BTRC: variants seen among roughly 807,000 people sequenced by gnomAD.
The protein encoded by BTRC is F-box/WD repeat-containing protein 1A.
A neutral mutation model predicts 85.5 loss-of-function variants in BTRC; 42 were observed. The ratio of observed to expected loss-of-function variants is 0.49; its 90% CI spans 0.38 to 0.64. The LOEUF is 0.64. Ranked by LOEUF, BTRC falls within the 30% of genes least tolerant of loss-of-function variation. BTRC has a pLI of 0.00. For missense variants in BTRC, 594 were observed against 743.5 expected (o/e 0.80, Z 2.34); for synonymous variants, 255 against 263.3 (o/e 0.97, Z 0.30).
At chr10:101,379,572 AT>A (rs920059277) in intron 1 of BTRC, among the ~76,000 whole-genome samples, 6 of 151,616 alleles carry the variant, frequency 4.0e-5, no homozygotes, top group South Asian at 2.1e-4. Flanking sequence ...TATACTACAT[AT>A]TTTTTTTTCC....
chr10:101,392,781 C>T (rs1401887161), intron 1 of BTRC, among the ~76,000 whole-genome samples: 1 of 152,176 alleles, frequency 6.6e-6, no homozygotes, highest in Non-Finnish European at 1.5e-5. Flanking sequence ...GCCTCGGCCT[C>T]CCAAAGTGCT....
chr10:101,505,129 G>GTA (rs1405535239), intron 4 of BTRC, among the ~76,000 whole-genome samples: 128 of 76,050 alleles, frequency 1.7e-3, no homozygotes, highest in African/African-American at 7.3e-3. Context: ...ATATATATGT[G>GTA]TATATATATG....
chr10:101,529,233 G>A (rs2062245341), intron 6 of BTRC, among the ~76,000 whole-genome samples: 1 of 152,198 alleles, frequency 6.6e-6, no homozygotes, highest in South Asian at 2.1e-4. Flanking sequence ...CCAGTTTTCA[G>A]TACCTAGCCA....
At chr10:101,391,124 T>C (rs1208016740) in intron 1 of BTRC, among the ~76,000 whole-genome samples, 2 of 152,206 alleles carry the variant, frequency 1.3e-5, no homozygotes, top group African/African-American at 2.4e-5. Context: ...AAACAACTTG[T>C]ACAGGTTACT....
rs1298120585 is a variant in BTRC, at chr10:101,526,071, A to G, written c.615A>G (p.Leu205=). Residue 205 remains leucine (L), a synonymous_variant, in exon 6 of 15, where the codon CTA becomes CTG. Coordinates refer to ENST00000370187, the MANE Select transcript of BTRC (RefSeq NM_033637.4). ...TGTCATACCTGGATGCCAAATCACT[A>G]TGTGCTGCTGAACTTGTGTGCAAGG... ...NILSYLDAKS[L]CAAELVCKEW... 3 of 1,614,022 alleles carry G rather than the reference A, an allele frequency of 1.9e-6. No individual in the cohort carries two copies. The highest frequency in any genetic ancestry group is 1.3e-5 in the African/African-American group (1 of 74,904).
intron 5 of BTRC, among the ~76,000 whole-genome samples, chr10:101,525,256 A>G (rs2062173236): frequency 1.3e-5 from 2 of 152,090 alleles, no homozygotes; most frequent in Non-Finnish European, 2.9e-5. Context: ...TCTGTTCTCC[A>G]CTGTTTTCCT....
intron 1 of BTRC, among the ~76,000 whole-genome samples, chr10:101,415,338 G>A (rs1943902462): frequency 6.6e-6 from 1 of 151,596 alleles, no homozygotes; most frequent in Non-Finnish European, 1.5e-5. Flanking sequence ...ACCATGCCTG[G>A]CTAATTTAAG....
chr10:101,520,465 A>G (rs557470972), intron 4 of BTRC, among the ~76,000 whole-genome samples: 61 of 152,340 alleles, frequency 4.0e-4, no homozygotes, highest in African/African-American at 1.4e-3. Flanking sequence ...TTGGCACATT[A>G]TAGAGGTTCA....
chr10:101,448,025 A>C (rs1944870700), intron 2 of BTRC, among the ~76,000 whole-genome samples: 1 of 152,174 alleles, frequency 6.6e-6, no homozygotes, highest in Non-Finnish European at 1.5e-5. Context: ...GTGATTCTTT[A>C]AATCGAAGAT....
intron 13 of BTRC, 88 bp downstream of exon 13, chr10:101,538,459 T>A: frequency 8.1e-7 from 1 of 1,237,764 alleles, no homozygotes; most frequent in Non-Finnish European, 1.2e-6. Flanking sequence ...GATTTGAATT[T>A]AATAGTTACA....
intron 4 of BTRC, among the ~76,000 whole-genome samples, chr10:101,505,175 A>T (rs1223450592): frequency 5.2e-4 from 73 of 141,204 alleles, no homozygotes; most frequent in Middle Eastern, 3.7e-3. Context: ...ATATATATAT[A>T]TATTTTTTAG....
In BTRC at chr10:101,425,626, CTT is replaced by C. The variant is rs59643321; in HGVS notation, c.49-4704_49-4703del. The stretch of plus-strand genomic sequence containing the variant: ...TAGTTGCTGCTTAGTTTAAAACCTG[CTT>C]TTTTTTTTTTTTTTAATTAAAAAAA... On this transcript the variant is annotated intron_variant, in intron 1 of 14. Transcript: ENST00000370187. Among the ~76,000 whole-genome samples the C allele has an allele frequency of 3.9e-3, 551 of 139,632 alleles. 3 individuals carry two copies. Among genetic ancestry groups the C allele is most frequent in the Non-Finnish European group, 6.2e-3 (402 of 64,860 alleles). 91.6% of individuals were successfully genotyped at this position (139,632 alleles called of 152,430 possible).
At chr10:101,369,568 T>C (rs976717713) in intron 1 of BTRC, among the ~76,000 whole-genome samples, 17 of 152,228 alleles carry the variant, frequency 1.1e-4, no homozygotes, top group African/African-American at 2.9e-4. Flanking sequence ...TGAGAAGCTC[T>C]TTTAGAAGTT....
chr10:101,376,963 T>C (rs1439578042), intron 1 of BTRC, among the ~76,000 whole-genome samples: 1 of 152,168 alleles, frequency 6.6e-6, no homozygotes, highest in Non-Finnish European at 1.5e-5. Context: ...GTAAAATGGA[T>C]TTTTCTTAAT....
At chr10:101,455,110 A>G (rs910361725) in intron 2 of BTRC, among the ~76,000 whole-genome samples, 18 of 150,978 alleles carry the variant, frequency 1.2e-4, no homozygotes, top group Non-Finnish European at 1.5e-5. Flanking sequence ...CGCCCAGGCT[A>G]GAGCACAATG....
chr10:101,549,296 TG>T (rs1411799916), intron 13 of BTRC, among the ~76,000 whole-genome samples: 1 of 145,980 alleles, frequency 6.9e-6, no homozygotes, highest in Non-Finnish European at 1.5e-5. Flanking sequence ...CCAGGTGTGG[TG>T]GCATGAGTCT....
At chr10:101,360,863 A>G (rs955056721) in intron 1 of BTRC, among the ~76,000 whole-genome samples, 5 of 152,176 alleles carry the variant, frequency 3.3e-5, no homozygotes, top group Non-Finnish European at 5.9e-5. Context: ...CAGCTCTGCC[A>G]TCAGTAGGCT....
intron 2 of BTRC, among the ~76,000 whole-genome samples, chr10:101,454,397 C>T (rs933140785): frequency 2.0e-5 from 3 of 152,150 alleles, no homozygotes; most frequent in Admixed American, 6.5e-5. Context: ...GAGAAGATGA[C>T]AGTTAAACCT....
At chr10:101,451,986 G>A (rs1338706781) in intron 2 of BTRC, among the ~76,000 whole-genome samples, 1 of 152,100 alleles carries the variant, frequency 6.6e-6, no homozygotes, top group African/African-American at 2.4e-5. Flanking sequence ...GTTGTCACGA[G>A]TTCATAAATC....
Sources: gnomAD v4.1 joint callset for allele counts (sites outside exome capture counted in the v4.1 genomes callset) on GRCh38, gnomAD v4.1.1 for gene constraint, MANE v1.5 for transcripts, NCBI Gene and HGNC (gene_info 2026-07-23, HGNC 2026-07-21) for gene names.